The following DAB1 variants were observed in gnomAD, a reference collection of about 807,000 sequenced individuals.
The protein encoded by DAB1 is DAB adaptor protein 1.
A neutral mutation model predicts 64.6 loss-of-function variants in DAB1; 15 were observed. That is an observed-to-expected ratio of 0.23 (90% CI 0.16 to 0.36). The LOEUF (loss-of-function observed/expected upper bound fraction) is 0.36. Ranked by LOEUF, DAB1 falls within the 10% of genes least tolerant of loss-of-function variation. The pLI is 1.00. For missense variants in DAB1, 596 were observed against 706.7 expected (o/e 0.84, Z 1.78); for synonymous variants, 235 against 251.9 (o/e 0.93, Z 0.64).
intron 2 of DAB1, among the ~76,000 whole-genome samples, chr1:57,167,497 G>A (rs1235489886): frequency 2.6e-5 from 4 of 152,100 alleles, no homozygotes; most frequent in Admixed American, 2.6e-4. Flanking sequence ...CTTGTGGTGT[G>A]TCCAGGGTCT....
intron 3 of DAB1, among the ~76,000 whole-genome samples, chr1:58,414,226 A>C (rs1644695793): frequency 6.6e-6 from 1 of 151,862 alleles, no homozygotes; most frequent in African/African-American, 2.4e-5. Flanking sequence ...TCATCCACTC[A>C]ATGGCCCAGT....
intron 1 of DAB1, among the ~76,000 whole-genome samples, chr1:57,400,718 T>C (rs911952226): frequency 1.3e-5 from 2 of 152,064 alleles, no homozygotes; most frequent in African/African-American, 2.4e-5. Context: ...ATCCACTGCA[T>C]TACCATCTAG....
intron 2 of DAB1, among the ~76,000 whole-genome samples, chr1:58,507,826 G>T (rs952062747): frequency 6.6e-6 from 1 of 151,984 alleles, no homozygotes; most frequent in Non-Finnish European, 1.5e-5. Context: ...TACAGGCTGA[G>T]ATTAACAAGT....
chr1:58,088,719 A>G (rs1284410526), intron 5 of DAB1, among the ~76,000 whole-genome samples: 2 of 152,222 alleles, frequency 1.3e-5, no homozygotes, highest in African/African-American at 4.8e-5. Flanking sequence ...CCTGCATACC[A>G]TCCAAGCACA....
chr1:57,563,198 C>G (rs934279398), intron 7 of DAB1, among the ~76,000 whole-genome samples: 1 of 152,166 alleles, frequency 6.6e-6, no homozygotes, highest in Non-Finnish European at 1.5e-5. Flanking sequence ...CCAGGTACAA[C>G]CACATGACCA....
chr1:58,063,321 C>A (rs1405238031), intron 5 of DAB1, among the ~76,000 whole-genome samples: 1 of 152,096 alleles, frequency 6.6e-6, no homozygotes, highest in East Asian at 1.9e-4. Flanking sequence ...AAAAAAATGA[C>A]ACCTTTACAA....
chr1:57,958,573 GAA>G (rs1241379228), intron 5 of DAB1, among the ~76,000 whole-genome samples: 1 of 152,132 alleles, frequency 6.6e-6, no homozygotes, highest in Non-Finnish European at 1.5e-5. Flanking sequence ...GCCTCATCCA[GAA>G]AAGAGGATTC....
At chr1:57,681,064 T>C (rs1646631076) in intron 6 of DAB1, among the ~76,000 whole-genome samples, 1 of 152,184 alleles carries the variant, frequency 6.6e-6, no homozygotes. Context: ...TTGTCCAACA[T>C]TCTGGAGGCT....
chr1:57,578,924 G>T (rs1213481977), intron 7 of DAB1, among the ~76,000 whole-genome samples: 1 of 152,126 alleles, frequency 6.6e-6, no homozygotes, highest in Non-Finnish European at 1.5e-5. Flanking sequence ...CTGAATCATT[G>T]CCTGAATACA....
intron 2 of DAB1, among the ~76,000 whole-genome samples, chr1:57,163,706 A>G (rs558918368): frequency 9.1e-4 from 138 of 152,262 alleles, no homozygotes; most frequent in Middle Eastern, 3.4e-3. Flanking sequence ...ACAGCACTAG[A>G]TAAGAAATGG....
intron 6 of DAB1, among the ~76,000 whole-genome samples, chr1:57,724,382 AGG>A (rs1647184676): frequency 6.6e-6 from 1 of 151,968 alleles, no homozygotes; most frequent in South Asian, 2.1e-4. Flanking sequence ...GCAAGAAGAA[AGG>A]GACAGAGGAA....
At chr1:57,542,373 C>G (rs147700920) in intron 7 of DAB1, among the ~76,000 whole-genome samples, 1 of 151,206 alleles carries the variant, frequency 6.6e-6, no homozygotes, top group African/African-American at 2.4e-5. Context: ...GGCCACACCC[C>G]CTAGGGTCAA....
intron 6 of DAB1, among the ~76,000 whole-genome samples, chr1:57,768,532 G>A (rs1330012065): frequency 6.7e-6 from 1 of 150,226 alleles, no homozygotes; most frequent in Non-Finnish European, 1.5e-5. Flanking sequence ...ACAGATATGT[G>A]TGTATACATG....
intron 1 of DAB1, among the ~76,000 whole-genome samples, chr1:57,370,331 T>G (rs1197110737): frequency 6.6e-6 from 1 of 152,144 alleles, no homozygotes; most frequent in East Asian, 1.9e-4. Context: ...GATAACTGAA[T>G]AGAGAAGAGA....
At chr1:57,999,961 A>G (rs1276343616) in intron 5 of DAB1, among the ~76,000 whole-genome samples, 1 of 148,418 alleles carries the variant, frequency 6.7e-6, no homozygotes, top group East Asian at 2.0e-4. Flanking sequence ...AAAGGGAGGA[A>G]AGGGGAGTGG....
At position 57,058,177 on chromosome 1, in the gene DAB1, C is replaced by T. The variant is rs567334872; in HGVS notation, c.723+4707G>A. ...GTGTGTGGGTTTGTGTTTAGAAGGCCACCTGTCCGCCTGGTGATCCAAGCT... is the reference window on the plus strand; with the variant it reads ...GTGTGTGGGTTTGTGTTTAGAAGGCTACCTGTCCGCCTGGTGATCCAAGCT... On this transcript the variant is annotated intron_variant, in intron 9 of 14. Transcript: ENST00000371236. 3.7e-4 allele frequency among the ~76,000 whole-genome samples: 56 copies of T among 151,796 alleles called. 1 individual carries two copies. The South Asian group carries it at 0.011, about 29-fold the overall frequency.
chr1:58,348,729 A>T (rs1211016298), intron 3 of DAB1, among the ~76,000 whole-genome samples: 1 of 152,210 alleles, frequency 6.6e-6, no homozygotes, highest in Non-Finnish European at 1.5e-5. Flanking sequence ...TTCACCCTAC[A>T]ATGAGATTTT....
At chr1:57,856,500 C>T (rs1455774595) in intron 1 of DAB1, among the ~76,000 whole-genome samples, 1 of 152,196 alleles carries the variant, frequency 6.6e-6, no homozygotes, top group Non-Finnish European at 1.5e-5. Context: ...CAGTGGCTCA[C>T]ACCTGTAATC....
intron 6 of DAB1, among the ~76,000 whole-genome samples, chr1:57,797,490 G>A (rs1307687438): frequency 6.6e-6 from 1 of 152,328 alleles, no homozygotes; most frequent in East Asian, 1.9e-4. Flanking sequence ...AAAAGAGATA[G>A]ATGTCTTAGC....
Sources: gnomAD v4.1 joint callset for allele counts (sites outside exome capture counted in the v4.1 genomes callset) on GRCh38, gnomAD v4.1.1 for gene constraint, MANE v1.5 for transcripts, NCBI Gene and HGNC (gene_info 2026-07-23, HGNC 2026-07-21) for gene names.